Variants in ZNF837 observed in about 807,000 individuals in gnomAD.
The protein encoded by ZNF837 is zinc finger protein 837.
For synonymous variants in ZNF837, 475 were observed against 365.2 expected (o/e 1.30, Z -3.43); for missense variants, 955 against 801.7 (o/e 1.19, Z -2.31).
rs1404435420 is a variant in ZNF837 at position 58,368,629 on chromosome 19, C to T, written c.704G>A (p.Arg235His). 4 of 1,531,850 alleles carry T rather than the reference C, an allele frequency of 2.6e-6. No individual in the cohort carries two copies. The highest frequency in any genetic ancestry group is 1.4e-5 in the African/African-American group (1 of 73,072). The allele number at this position is 1,531,850 out of a possible 1,614,324, so 94.9% of individuals were successfully genotyped here. The change falls in exon 3 of 3, where the codon CGC becomes CAC. Residue 235 changes from arginine to histidine, a missense_variant. Physicochemically the swap from Arg to His is conservative, Grantham distance 29 (BLOSUM62 0). Transcript: ENST00000597582. ...GCCCGCCTGCTGCTGCTGGTTGGGG[C>T]GGAAGCGCTTCCCGCACCGGGCACA... ...RPCARCGKRF[R>H]PNQQQQAGKS...
chr19:58,380,704 C>T (rs1164844262), intron 1 of ZNF837, among the ~76,000 whole-genome samples: 2 of 152,200 alleles, frequency 1.3e-5, no homozygotes, highest in Non-Finnish European at 2.9e-5. Flanking sequence ...TGACACCCAG[C>T]ACGGAAACGC....
Position 58,367,814 on chromosome 19 carries a change from C to G in ZNF837, c.1519G>C (p.Asp507His). The G allele has an allele frequency of 6.5e-7, 1 of 1,536,626 alleles. No homozygotes were observed. The highest frequency in any genetic ancestry group is 8.7e-7 in the Non-Finnish European group (1 of 1,145,700). Residue 507 changes from aspartate to histidine, a missense_variant, in exon 3 of 3, where the codon GAT becomes CAT. Asp to His is a moderately conservative substitution (Grantham distance 81). Coordinates refer to ENST00000597582, the MANE Select transcript of ZNF837 (RefSeq NM_138466.2). ...CGTTGGCTGAAGGCGCGGCCGCAATCTCCGCACGCGTAGGGCCGCTCGCCC... is the reference window on the plus strand; with the variant it reads ...CGTTGGCTGAAGGCGCGGCCGCAATGTCCGCACGCGTAGGGCCGCTCGCCC... ...HTGERPYACG[D>H]CGRAFSQRSN...
At position 58,367,937 on chromosome 19, in the gene ZNF837, C is replaced by T. The variant is rs1027402305; in HGVS notation, c.1396G>A (p.Glu466Lys). The T allele has an allele frequency of 2.6e-6, 4 of 1,533,092 alleles. No individual in the cohort carries two copies. The highest frequency in any genetic ancestry group is 1.2e-5 in the South Asian group (1 of 83,800). 95.0% of individuals were successfully genotyped at this position (1,533,092 alleles called of 1,614,324 possible). A position where few individuals can be genotyped will look rare whatever the true frequency, so the allele number is the denominator to read the frequency against. ...GGCTTCTCGCCCGAGTGCAGGCGCT[C>T]GTGCTGGCGCAGCTCGGAGCAGCCG... ...FRGCSELRQH[E>K]RLHSGEKPYI... The change falls in exon 3 of 3, where the codon GAG becomes AAG. Residue 466 changes from glutamate to lysine, a missense_variant. Coordinates refer to ENST00000597582, the MANE Select transcript of ZNF837 (RefSeq NM_138466.2).
At chr19:58,375,273 T>A (rs1157757380) in intron 1 of ZNF837, among the ~76,000 whole-genome samples, 1 of 17,946 alleles carries the variant, frequency 5.6e-5, no homozygotes, top group Non-Finnish European at 1.4e-4. Context: ...AAAAAAAGTA[T>A]ATATATATAT....
chr19:58,373,648 G>T (rs2122126100), intron 1 of ZNF837, among the ~76,000 whole-genome samples: 1 of 152,320 alleles, frequency 6.6e-6, no homozygotes, highest in South Asian at 2.1e-4. Context: ...AGCTTCCCAA[G>T]AACAGGATGG....
chr19:58,375,899 A>G (rs1322544288), intron 1 of ZNF837, among the ~76,000 whole-genome samples: 4 of 151,318 alleles, frequency 2.6e-5, no homozygotes, highest in African/African-American at 7.3e-5. Flanking sequence ...AAGGTGGTTT[A>G]TTTATTTATT....
At chr19:58,376,570 AAAAAAAAAAAAAAAAAAAAAAG>A (rs1568568868) in intron 1 of ZNF837, among the ~76,000 whole-genome samples, 32 of 113,302 alleles carry the variant, frequency 2.8e-4, no homozygotes, top group African/African-American at 1.2e-3. Context: ...AAAAAAAAAA[AAAAAAAAAAAAAAAAAAAAAAG>A]AAAGAAAAGA....
chr19:58,368,534 CCGGGGGGT>C lies in ZNF837; in HGVS notation c.791_798del (p.Asp264GlyfsTer296), dbSNP rs1408955462. 7 of 1,539,990 alleles carry C rather than the reference CCGGGGGGT, an allele frequency of 4.5e-6. No homozygotes were observed. The highest frequency in any genetic ancestry group is 2.4e-5 in the South Asian group (2 of 83,542). ...TCGTCGCAAGCGTACAGTCGCTGGGCCGGGGGGTCGGGGACAATAGGGCGAGGTCGCGA... is the reference window on the plus strand; with the variant it reads ...TCGTCGCAAGCGTACAGTCGCTGGGCCGGGGACAATAGGGCGAGGTCGCGA... On this transcript the variant is annotated frameshift_variant, in exon 3 of 3. Transcript: ENST00000597582. LOFTEE classifies it low-confidence loss of function (END_TRUNC).
Position 58,368,247 on chromosome 19 carries a change from C to A in ZNF837, c.1086G>T (p.Pro362=). 6.7e-7 allele frequency: 1 copy of A among 1,497,978 alleles called. No individual in the cohort carries two copies. The allele number at this position is 1,497,978 out of a possible 1,614,324, so 92.8% of individuals were successfully genotyped here. A position where few individuals can be genotyped will look rare whatever the true frequency, so the allele number is the denominator to read the frequency against. Residue 362 remains proline, a synonymous_variant, in exon 3 of 3, where the codon CCG becomes CCT. Transcript: ENST00000597582. ...CCTTGGCGCAGTCGGCGCACTCGTA[C>A]GGCTTCTCCCCGGCTCCCGACCCCC... ...PRRGSGAGEK[P]YECADCAKAF...
At chr19:58,375,288 ATATATATATATATATATATAT>A (rs1568568351) in intron 1 of ZNF837, among the ~76,000 whole-genome samples, 3 of 66,158 alleles carry the variant, frequency 4.5e-5, no homozygotes, top group African/African-American at 1.4e-4. Flanking sequence ...ATATATATAT[ATATATATATATATATATATAT>A]ATAAAATTAC....
intron 1 of ZNF837, among the ~76,000 whole-genome samples, chr19:58,379,101 G>A (rs1409476117): frequency 1.3e-5 from 2 of 152,218 alleles, no homozygotes; most frequent in Non-Finnish European, 2.9e-5. Flanking sequence ...CAGAATGTGT[G>A]TGTTGTAAGG....
At position 58,367,873 on chromosome 19, in the gene ZNF837, T is replaced by G. The variant is rs769274811; in HGVS notation, c.1460A>C (p.Asn487Thr). 4.6e-6 allele frequency: 7 copies of G among 1,533,810 alleles called. No individual in the cohort carries two copies. In the African/African-American group the frequency reaches 5.5e-5, roughly 12 times the overall value. ...GCGCAGGTGGCGCACCAGGCTGCAGTTGCGCACGAAGGCCTTGCCGCAGTC... is the reference window on the plus strand; with the variant it reads ...GCGCAGGTGGCGCACCAGGCTGCAGGTGCGCACGAAGGCCTTGCCGCAGTC... ...CRDCGKAFVR[N>T]CSLVRHLRTH... Residue 487 changes from asparagine to threonine, a missense_variant, in exon 3 of 3, where the codon AAC (asparagine) becomes ACC (threonine). Transcript: ENST00000597582.
chr19:58,368,350 C>T lies in ZNF837; in HGVS notation c.983G>A (p.Arg328His), dbSNP rs1451396595. ...GGCGCGCCGCGCCAGGACGGGGCCA[C>T]GCCGGTGGCGCTCGGCCGAGTGCGT... ...QKTHSAERHR[R>H]GPVLARRAFR... Residue 328 changes from arginine to histidine, a missense_variant, in exon 3 of 3, where the codon CGT (arginine) becomes CAT (histidine). Coordinates refer to ENST00000597582, the MANE Select transcript of ZNF837 (RefSeq NM_138466.2). 6.6e-7 allele frequency: 1 copy of T among 1,526,686 alleles called. No individual in the cohort carries two copies. Among genetic ancestry groups the T allele is most frequent in the East Asian group, 2.5e-5 (1 of 39,820 alleles). The allele number at this position is 1,526,686 out of a possible 1,614,324, so 94.6% of individuals were successfully genotyped here.
intron 1 of ZNF837, among the ~76,000 whole-genome samples, chr19:58,375,444 T>C (rs913160539): frequency 1.3e-5 from 2 of 150,814 alleles, no homozygotes; most frequent in Non-Finnish European, 3.0e-5. Flanking sequence ...TTTTGTTTTG[T>C]TTTGTTTTGT....
In ZNF837 at chr19:58,368,889, A is replaced by G. The variant is rs760206719; in HGVS notation, c.444T>C (p.Cys148=). 17 of 1,548,090 alleles carry G rather than the reference A, an allele frequency of 1.1e-5. No individual in the cohort carries two copies. ...GGGGGTGGTTCTGGATCCGCTCCGGACAGGGGTCACACACGGGTGGCGTCT... is the reference window on the plus strand; with the variant it reads ...GGGGGTGGTTCTGGATCCGCTCCGGGCAGGGGTCACACACGGGTGGCGTCT... The part of the protein sequence containing the change: ...AGETPPVCDP[C]PERIQNHPRT... Residue 148 remains cysteine, a synonymous_variant, in exon 3 of 3, where the codon TGT becomes TGC. Coordinates refer to ENST00000597582, the MANE Select transcript of ZNF837 (RefSeq NM_138466.2).
chr19:58,368,313 C>T lies in ZNF837; in HGVS notation c.1020G>A (p.Gly340=). 6 of 1,488,848 alleles carry T rather than the reference C, an allele frequency of 4.0e-6. No homozygotes were observed. The highest frequency in any genetic ancestry group is 3.5e-6 in the Non-Finnish European group (4 of 1,128,942). The allele number at this position is 1,488,848 out of a possible 1,614,324, so 92.2% of individuals were successfully genotyped here. Residue 340 remains glycine (G), a synonymous_variant, in exon 3 of 3, where the codon GGG becomes GGA. Coordinates refer to ENST00000597582, the MANE Select transcript of ZNF837 (RefSeq NM_138466.2). ...CGCTGTAGTCCCCGCAGGGCGGGCA[C>T]CCCAGCCGGAAGGCGCGCCGCGCCA... ...PVLARRAFRL[G]CPPCGDYSER...
chr19:58,373,969 G>A (rs141400426), intron 1 of ZNF837, among the ~76,000 whole-genome samples: 3 of 152,244 alleles, frequency 2.0e-5, no homozygotes, highest in Non-Finnish European at 2.9e-5. Context: ...CTCTATCATG[G>A]GGCTCCCCCA....
At chr19:58,369,625 T>G in intron 2 of ZNF837, 194 bp downstream of exon 2, 2 of 293,900 alleles carry the variant, frequency 6.8e-6, no homozygotes. Context: ...TAAAACACTG[T>G]GCCCCTGGCT....
chr19:58,368,925 C>T lies in ZNF837; in HGVS notation c.408G>A (p.Ala136=), dbSNP rs1045055453. The part of the protein sequence containing the change: ...RNSCLAWHRG[A]PAGETPPVCD... ...ACACGGGTGGCGTCTCCCCAGCGGG[C>T]GCCCCGCGATGCCACGCCAGGCAGG... Residue 136 remains alanine (A), a synonymous_variant, in exon 3 of 3, where the codon GCG becomes GCA. Transcript: ENST00000597582. 1 of 1,546,170 alleles carries T rather than the reference C, an allele frequency of 6.5e-7. No individual in the cohort carries two copies. Among genetic ancestry groups the T allele is most frequent in the African/African-American group, 1.4e-5 (1 of 72,972 alleles).
Sources: gnomAD v4.1 joint callset for allele counts (sites outside exome capture counted in the v4.1 genomes callset) on GRCh38, gnomAD v4.1.1 for gene constraint, MANE v1.5 for transcripts, NCBI Gene and HGNC (gene_info 2026-07-23, HGNC 2026-07-21) for gene names.